INPP4B: variants seen among roughly 807,000 people sequenced by gnomAD.
INPP4B encodes the protein inositol polyphosphate-4-phosphatase type II B.
Under a neutral mutation model 122.5 loss-of-function variants are expected in INPP4B, and 55 were observed. That is an observed-to-expected ratio of 0.45 (90% confidence interval 0.36 to 0.56). INPP4B has a LOEUF of 0.56. INPP4B is among the 20% of genes least tolerant of loss of function. The probability of loss-of-function intolerance (pLI) is 0.00; values close to 1 mark genes in which losing one functional copy is unlikely to be tolerated. For missense variants in INPP4B, 1,000 were observed against 1,097.7 expected, an observed-to-expected ratio of 0.91 and a Z score of 1.26; for synonymous variants, 403 against 388.7, an observed-to-expected ratio of 1.04 and a Z score of -0.43.
chr4:142,666,293 TA>T (rs1249280570), intron 2 of INPP4B, among the ~76,000 whole-genome samples: 2 of 152,128 alleles, frequency 1.3e-5, no homozygotes, highest in Non-Finnish European at 2.9e-5. Flanking sequence ...AATGTATATA[TA>T]ATTTTAGATT....
intron 2 of INPP4B, among the ~76,000 whole-genome samples, chr4:142,649,987 A>G (rs1043070809): frequency 6.6e-6 from 1 of 152,254 alleles, no homozygotes; most frequent in Non-Finnish European, 1.5e-5. Context: ...TTACCCACAA[A>G]GGGAAGCCCA....
chr4:142,051,079 A>T (rs1213237394), intron 25 of INPP4B, among the ~76,000 whole-genome samples: 1 of 152,022 alleles, frequency 6.6e-6, no homozygotes, highest in Non-Finnish European at 1.5e-5. Context: ...CTCTGTGTTG[A>T]GATATGTAAA....
chr4:142,423,383 G>A (rs377514626), intron 5 of INPP4B, among the ~76,000 whole-genome samples: 119 of 152,102 alleles, frequency 7.8e-4, no homozygotes, highest in African/African-American at 2.6e-3. Context: ...TTTAAATGCC[G>A]AGCACAGAAA....
At chr4:142,486,785 C>T (rs1821251696) in intron 2 of INPP4B, among the ~76,000 whole-genome samples, 1 of 152,102 alleles carries the variant, frequency 6.6e-6, no homozygotes, top group Non-Finnish European at 1.5e-5. Context: ...AGAATAAAAG[C>T]TGGTGTTCAT....
At chr4:142,753,062 G>A (rs775832984) in intron 1 of INPP4B, among the ~76,000 whole-genome samples, 6 of 152,072 alleles carry the variant, frequency 3.9e-5, no homozygotes, top group African/African-American at 7.2e-5. Context: ...CAAGACACAT[G>A]ATAAAGCCTT....
intron 2 of INPP4B, among the ~76,000 whole-genome samples, chr4:142,476,176 G>A (rs1819751260): frequency 6.6e-6 from 1 of 152,176 alleles, no homozygotes; most frequent in African/African-American, 2.4e-5. Context: ...GAACAGACTG[G>A]AGGACAATAG....
intron 3 of INPP4B, among the ~76,000 whole-genome samples, chr4:142,441,604 C>A (rs1811733416): frequency 6.6e-6 from 1 of 151,778 alleles, no homozygotes; most frequent in African/African-American, 2.4e-5. Context: ...TTCATGAAGT[C>A]ACTAAAAAAA....
At chr4:142,545,102 T>A (rs1304613703) in intron 2 of INPP4B, among the ~76,000 whole-genome samples, 1 of 152,192 alleles carries the variant, frequency 6.6e-6, no homozygotes, top group East Asian at 1.9e-4. Context: ...AATTGTTTTA[T>A]TTAAATGTAT....
intron 9 of INPP4B, among the ~76,000 whole-genome samples, chr4:142,303,268 A>G (rs1438085982): frequency 6.6e-6 from 1 of 152,172 alleles, no homozygotes; most frequent in Non-Finnish European, 1.5e-5. Context: ...GCCCCCAAAG[A>G]AACAGTGAAT....
chr4:142,097,779 AAT>A (rs1421425269), intron 23 of INPP4B, among the ~76,000 whole-genome samples: 1 of 152,184 alleles, frequency 6.6e-6, no homozygotes, highest in Non-Finnish European at 1.5e-5. Flanking sequence ...TATTAACAGA[AAT>A]AGTGTTACTT....
At chr4:142,555,771 T>C (rs1476501289) in intron 2 of INPP4B, among the ~76,000 whole-genome samples, 1 of 149,594 alleles carries the variant, frequency 6.7e-6, no homozygotes, top group Non-Finnish European at 1.5e-5. Flanking sequence ...CTCAGGAGGC[T>C]GAGGCAGGAG....
chr4:142,823,425 G>A (rs1174811401), intron 1 of INPP4B, among the ~76,000 whole-genome samples: 2 of 152,018 alleles, frequency 1.3e-5, no homozygotes, highest in Non-Finnish European at 2.9e-5. Flanking sequence ...AATAAAAGAT[G>A]TAAAAATACT....
chr4:142,096,905 T>G (rs1306178217), intron 23 of INPP4B, among the ~76,000 whole-genome samples: 1 of 152,128 alleles, frequency 6.6e-6, no homozygotes, highest in East Asian at 1.9e-4. Flanking sequence ...ACATGGAATT[T>G]AGTCTCTCTT....
chr4:142,283,280 G>A (rs902496473), intron 9 of INPP4B, among the ~76,000 whole-genome samples: 1 of 151,970 alleles, frequency 6.6e-6, no homozygotes, highest in African/African-American at 2.4e-5. Context: ...CAGAATTTGG[G>A]GACATGGTGG....
intron 14 of INPP4B, among the ~76,000 whole-genome samples, chr4:142,203,946 T>C (rs1486009347): frequency 6.6e-6 from 1 of 152,066 alleles, no homozygotes. Context: ...CAGCTAAACA[T>C]TCAAATCAGT....
At chr4:142,198,425 T>C (rs1277872710) in intron 14 of INPP4B, among the ~76,000 whole-genome samples, 1 of 151,998 alleles carries the variant, frequency 6.6e-6, no homozygotes, top group Non-Finnish European at 1.5e-5. Context: ...CCTGGTATCA[T>C]TTCTATTCTT....
At chr4:142,412,289 A>G (rs1454670110) in intron 5 of INPP4B, among the ~76,000 whole-genome samples, 1 of 152,134 alleles carries the variant, frequency 6.6e-6, no homozygotes, top group Non-Finnish European at 1.5e-5. Context: ...AGCCCCTCTA[A>G]TTACTTTATT....
At chr4:142,821,807 C>T (rs1374872157) in intron 1 of INPP4B, among the ~76,000 whole-genome samples, 1 of 152,112 alleles carries the variant, frequency 6.6e-6, no homozygotes, top group African/African-American at 2.4e-5. Context: ...TATGCTAGTA[C>T]AGCAGTCTGT....
intron 7 of INPP4B, among the ~76,000 whole-genome samples, chr4:142,320,092 G>A (rs557689697): frequency 6.6e-6 from 1 of 152,150 alleles, no homozygotes; most frequent in East Asian, 1.9e-4. Flanking sequence ...CTTGATGGCT[G>A]TTCACAGGAG....
Sources: allele counts gnomAD v4.1 joint callset (sites outside exome capture counted in the v4.1 genomes callset), GRCh38; gene constraint gnomAD v4.1.1; transcripts MANE v1.5; gene names NCBI Gene and HGNC (gene_info 2026-07-23, HGNC 2026-07-21).